Variants in BCAS3 observed in about 807,000 individuals in gnomAD.
The protein encoded by BCAS3 is BCAS4/BCAS3 fusion.
BCAS3 carries 53 observed loss-of-function variants against 116.1 expected under a neutral mutation model. That is an observed-to-expected ratio of 0.46 (90% CI 0.37 to 0.57). The LOEUF is 0.57. BCAS3 is among the 20% of genes least tolerant of loss of function. The pLI is 0.00. For synonymous variants in BCAS3, 391 were observed against 408.2 expected (o/e 0.96, Z 0.51); for missense variants, 917 against 1,165.4 (o/e 0.79, Z 3.10).
chr17:60,992,741 G>C (rs1345986247), intron 15 of BCAS3, among the ~76,000 whole-genome samples: 1 of 152,100 alleles, frequency 6.6e-6, no homozygotes, highest in African/African-American at 2.4e-5. Context: ...ATAAAATTTA[G>C]AAAGCTATGA....
chr17:60,857,596 T>A (rs1378020417), intron 7 of BCAS3, among the ~76,000 whole-genome samples: 1 of 152,210 alleles, frequency 6.6e-6, no homozygotes, highest in Admixed American at 6.5e-5. Context: ...ATACTGATTA[T>A]TTTATGGAAA....
rs7207357 is a variant in BCAS3 at position 61,013,024 on chromosome 17, A to G, written c.1487-2727A>G. Among the ~76,000 whole-genome samples, 4,556 of 152,032 alleles carry G rather than the reference A, an allele frequency of 0.03. 232 individuals carry two copies. The highest frequency in any genetic ancestry group is 0.1 in the African/African-American group (4,226 of 41,488). ...TCCTCACATAATGGCATCCCTTTATACCACTCTCCCCTCACGTTATCCTTC... is the reference window on the plus strand; with the variant it reads ...TCCTCACATAATGGCATCCCTTTATGCCACTCTCCCCTCACGTTATCCTTC... On this transcript the variant is annotated intron_variant, in intron 15 of 23. Coordinates refer to ENST00000407086, the MANE Select transcript of BCAS3 (RefSeq NM_017679.5). The surrounding 1 kb of genome is among the most constrained non-coding windows in gnomAD (Gnocchi z 4.4).
intron 5 of BCAS3, among the ~76,000 whole-genome samples, chr17:60,745,064 A>T (rs1438786374): frequency 6.6e-6 from 1 of 152,066 alleles, no homozygotes; most frequent in African/African-American, 2.4e-5. Context: ...TCATTTAAAT[A>T]TGGTTACACT....
chr17:60,681,338 A>G (rs1039763102), intron 2 of BCAS3, among the ~76,000 whole-genome samples: 9 of 151,690 alleles, frequency 5.9e-5, no homozygotes, highest in African/African-American at 1.7e-4. Context: ...CGTCTCTACT[A>G]AAAATACAAA....
intron 7 of BCAS3, among the ~76,000 whole-genome samples, chr17:60,812,915 T>A (rs2048969662): frequency 1.3e-5 from 2 of 152,016 alleles, no homozygotes; most frequent in Non-Finnish European, 2.9e-5. Context: ...TAAAAAAAAT[T>A]TCTTTTTTTA....
chr17:60,876,596 G>C (rs1261540723), intron 9 of BCAS3, among the ~76,000 whole-genome samples: 1 of 152,048 alleles, frequency 6.6e-6, no homozygotes, highest in African/African-American at 2.4e-5. Flanking sequence ...GCTGCCTTCT[G>C]TTGAGACTAG....
At chr17:61,272,959 G>A (rs114639723) in intron 22 of BCAS3, among the ~76,000 whole-genome samples, 2,312 of 151,884 alleles carry the variant, frequency 0.015, 66 homozygotes, top group African/African-American at 0.053. Flanking sequence ...GTTCTTTCTT[G>A]GCTTACTTCC....
At chr17:60,924,258 G>T in intron 12 of BCAS3, 149 bp from the exon 13 acceptor site, 1 of 623,096 alleles carries the variant, frequency 1.6e-6, no homozygotes. Flanking sequence ...TTCTAAAGTG[G>T]AATTCTCTCC....
intron 14 of BCAS3, among the ~76,000 whole-genome samples, chr17:60,985,739 T>G (rs543186792): frequency 1.3e-4 from 20 of 152,204 alleles, no homozygotes; most frequent in African/African-American, 4.3e-4. Flanking sequence ...TATTTTGTTT[T>G]ATTGATTGAT....
intron 7 of BCAS3, chr17:60,851,623 G>T: frequency 1.5e-6 from 1 of 675,874 alleles, no homozygotes; most frequent in East Asian, 2.8e-5. Context: ...GGGCAAAGGG[G>T]AGCAAAGGGA....
chr17:61,356,559 A>G lies in BCAS3; in HGVS notation c.2426-11768A>G, dbSNP rs906607796. Among the ~76,000 whole-genome samples the G allele has an allele frequency of 1.3e-5, 2 of 152,166 alleles. No homozygotes were observed. The highest frequency in any genetic ancestry group is 4.8e-5 in the African/African-American group (2 of 41,448). On this transcript the variant is annotated intron_variant, in intron 22 of 23. Transcript: ENST00000407086. This position sits in a 1 kb window ranked among gnomAD's most constrained non-coding sequence, Gnocchi z 5.4. ...TCTCTTGGGCTCACAGCCCTGCTCA[A>G]TGACCTCATGATGTGTGAGGGCCTC...
At chr17:60,769,834 G>C (rs1191186163) in intron 6 of BCAS3, among the ~76,000 whole-genome samples, 2 of 152,012 alleles carry the variant, frequency 1.3e-5, no homozygotes, top group Non-Finnish European at 2.9e-5. Flanking sequence ...GAGTGCAGTG[G>C]TGTGATCTCC....
intron 16 of BCAS3, among the ~76,000 whole-genome samples, chr17:61,022,154 T>C (rs970852637): frequency 6.6e-6 from 1 of 152,234 alleles, no homozygotes; most frequent in African/African-American, 2.4e-5. Flanking sequence ...TTCTGCTATA[T>C]CAGTGGAGTA....
At chr17:60,729,611 T>A (rs2040258960) in intron 5 of BCAS3, among the ~76,000 whole-genome samples, 1 of 152,248 alleles carries the variant, frequency 6.6e-6, no homozygotes, top group African/African-American at 2.4e-5. Flanking sequence ...CTATTTAATA[T>A]AAACAGTTTC....
intron 12 of BCAS3, among the ~76,000 whole-genome samples, 155 bp from the exon 13 acceptor site, chr17:60,924,252 A>G (rs925336858): frequency 1.3e-5 from 2 of 152,226 alleles, no homozygotes; most frequent in Non-Finnish European, 2.9e-5. Flanking sequence ...CCTCAATTCT[A>G]AAGTGGAATT....
intron 5 of BCAS3, among the ~76,000 whole-genome samples, chr17:60,711,609 T>A (rs1387719061): frequency 3.9e-5 from 6 of 152,218 alleles, no homozygotes; most frequent in African/African-American, 1.4e-4. Flanking sequence ...GGATATTAAT[T>A]TTAATAGTTT....
intron 22 of BCAS3, among the ~76,000 whole-genome samples, chr17:61,232,065 C>T (rs1432639453): frequency 1.4e-5 from 2 of 147,852 alleles, no homozygotes; most frequent in African/African-American, 2.6e-5. Context: ...ATTAGCTAGG[C>T]GTGATGGTGG....
chr17:60,854,950 T>TTTTTTG lies in BCAS3; in HGVS notation c.477-13621_477-13620insGTTTTT, dbSNP rs1491353085. ...TTTTTCTTATTTATTTTCAGTGAGG[T>TTTTTTG]TTTTTTTTTTTTTTTTTTTTGTAGA... On this transcript the variant is annotated intron_variant, in intron 7 of 23. Coordinates refer to ENST00000407086, the MANE Select transcript of BCAS3 (RefSeq NM_017679.5). Among the ~76,000 whole-genome samples the TTTTTTG allele has an allele frequency of 6.5e-5, 7 of 107,700 alleles. No homozygotes were observed. The East Asian group carries it at 1.0e-3, about 16-fold the overall frequency. 70.7% of individuals were successfully genotyped at this position (107,700 alleles called of 152,430 possible). A position where few individuals can be genotyped will look rare whatever the true frequency, so the allele number is the denominator to read the frequency against.
rs1173003913 is a variant in BCAS3 at position 60,967,025 on chromosome 17, T to G, written c.1221+19673T>G. Among the ~76,000 whole-genome samples, 1 of 152,218 alleles carries G rather than the reference T, an allele frequency of 6.6e-6. No homozygotes were observed. Among genetic ancestry groups the G allele is most frequent in the African/African-American group, 2.4e-5 (1 of 41,462 alleles). On this transcript the variant is annotated intron_variant, in intron 14 of 23. Coordinates refer to ENST00000407086, the MANE Select transcript of BCAS3 (RefSeq NM_017679.5). This position sits in a 1 kb window ranked among gnomAD's most constrained non-coding sequence, Gnocchi z 4.7. ...GTTTTAACAGGTTGCTAATAGCGAT[T>G]ATTATTTTTGATAGATTTATCTTTT...
Sources: allele counts gnomAD v4.1 joint callset (sites outside exome capture counted in the v4.1 genomes callset), GRCh38; gene constraint gnomAD v4.1.1; non-coding constraint Gnocchi (gnomAD v3.1); transcripts MANE v1.5; gene names NCBI Gene and HGNC (gene_info 2026-07-23, HGNC 2026-07-21).